The following CERT1 variants were observed in gnomAD, a reference collection of about 807,000 sequenced individuals.
CERT1 encodes the protein ceramide transporter 1, also known as ceramide transfer protein.
Under a neutral mutation model 87.9 loss-of-function variants are expected in CERT1, and 31 were observed. That is an observed-to-expected ratio of 0.35 (90% CI 0.27 to 0.48). The LOEUF is 0.48. Ranked by LOEUF, CERT1 falls within the 20% of genes least tolerant of loss-of-function variation. CERT1 has a pLI of 0.99. For missense variants in CERT1, 487 were observed against 758.0 expected (o/e 0.64, Z 4.20); for synonymous variants, 289 against 250.9 (o/e 1.15, Z -1.44).
chr5:75,503,031 G>C (rs566444387), intron 2 of CERT1, among the ~76,000 whole-genome samples: 1 of 151,990 alleles, frequency 6.6e-6, no homozygotes, highest in Admixed American at 6.5e-5. Flanking sequence ...TTCACATTAA[G>C]GAATAAATTC....
rs756623094 is a variant in CERT1, at chr5:75,426,476, A to G, written c.351T>C (p.Thr117=). 15 of 1,603,818 alleles carry G rather than the reference A, an allele frequency of 9.4e-6. No homozygotes were observed. In the African/African-American group the frequency reaches 1.1e-4, roughly 11 times the overall value. The change falls in exon 4 of 17, where the codon ACT becomes ACC. Residue 117 remains threonine, a splice_region_variant and synonymous_variant. Coordinates refer to ENST00000643780, the MANE Select transcript of CERT1 (RefSeq NM_001379029.1). ...TGGATTCAGATCCATATCCAGATTC[A>G]GTCTAAAAAAAAAAGTAAACTATGT... ...QWIDAIEQHK[T]ESGYGSESSL...
intron 3 of CERT1, among the ~76,000 whole-genome samples, chr5:75,428,061 C>T (rs535791007): frequency 6.6e-6 from 1 of 152,148 alleles, no homozygotes; most frequent in African/African-American, 2.4e-5. Flanking sequence ...GGTCTAATTC[C>T]TGAAAATCTA....
At chr5:75,379,587 T>A in intron 16 of CERT1, 114 bp from the exon 17 acceptor site, 2 of 953,184 alleles carry the variant, frequency 2.1e-6, no homozygotes, top group Non-Finnish European at 3.1e-6. Flanking sequence ...CCAATTAGCA[T>A]CTTTTTTTTT....
In CERT1 at chr5:75,511,281, G is replaced by GT. The variant is rs1767975660; in HGVS notation, c.-75_-74insA. On this transcript the variant is annotated 5_prime_UTR_variant, in exon 1 of 17. Transcript: ENST00000643780. ...GCCGGAGGAGGCGCCCAGTCCTCGG[G>GT]GTGAAGGGTCGGGGGATGGCGAAGC... 3 of 1,581,122 alleles carry GT rather than the reference G, an allele frequency of 1.9e-6. No homozygotes were observed. Among genetic ancestry groups the GT allele is most frequent in the Admixed American group, 1.8e-5 (1 of 54,098 alleles).
intron 2 of CERT1, among the ~76,000 whole-genome samples, chr5:75,503,916 A>AATTAAACATTTAAATTTTTTGTTT (rs1374804245): frequency 6.6e-6 from 1 of 151,668 alleles, no homozygotes; most frequent in African/African-American, 2.4e-5. Flanking sequence ...GTTTAATTTA[A>AATTAAACATTTAAATTTTTTGTTT]AATTTTCTTT....
chr5:75,477,872 A>G (rs1201510952), intron 2 of CERT1, among the ~76,000 whole-genome samples: 1 of 152,164 alleles, frequency 6.6e-6, no homozygotes, highest in African/African-American at 2.4e-5. Context: ...CATAAATGAT[A>G]CATAATACTT....
intron 2 of CERT1, among the ~76,000 whole-genome samples, chr5:75,503,300 G>C (rs974550990): frequency 6.6e-6 from 1 of 151,782 alleles, no homozygotes; most frequent in African/African-American, 2.4e-5. Flanking sequence ...AATTTCATAA[G>C]AGTGCCATAT....
In CERT1 at chr5:75,426,280, T is replaced by C. The variant is rs546463378; in HGVS notation, c.456+91A>G. The C allele has an allele frequency of 6.1e-6, 5 of 813,548 alleles. No individual in the cohort carries two copies. The Admixed American group carries it at 7.1e-5, about 12-fold the overall frequency. 50.4% of individuals were successfully genotyped at this position (813,548 alleles called of 1,614,324 possible). A position where few individuals can be genotyped will look rare whatever the true frequency, so the allele number is the denominator to read the frequency against. ...ATAAATTATACTATAAAAAAGTTTGTTCAAAAAATTATCACATATGTTCTG... is the reference window on the plus strand; with the variant it reads ...ATAAATTATACTATAAAAAAGTTTGCTCAAAAAATTATCACATATGTTCTG... On this transcript the variant is annotated intron_variant, in intron 4 of 16. Transcript: ENST00000643780.
At chr5:75,388,252 T>G (rs189720926) in intron 12 of CERT1, among the ~76,000 whole-genome samples, 4 of 152,256 alleles carry the variant, frequency 2.6e-5, no homozygotes, top group Middle Eastern at 3.4e-3. Context: ...TGTTTTATCT[T>G]ATGTCTTACT....
chr5:75,507,317 C>T (rs1435434790), intron 1 of CERT1, among the ~76,000 whole-genome samples: 1 of 151,990 alleles, frequency 6.6e-6, no homozygotes, highest in Non-Finnish European at 1.5e-5. Flanking sequence ...CGCTATGGTG[C>T]CAAGGCTCGT....
At chr5:75,492,186 A>G (rs962478080) in intron 2 of CERT1, among the ~76,000 whole-genome samples, 6 of 151,880 alleles carry the variant, frequency 4.0e-5, no homozygotes, top group Non-Finnish European at 7.4e-5. Flanking sequence ...TCTACCAAAA[A>G]ACAAACAAAC....
rs923609907 is a variant in CERT1 at position 75,474,218 on chromosome 5, C to T, written c.232-15037G>A. Among the ~76,000 whole-genome samples the T allele has an allele frequency of 3.3e-5, 5 of 152,298 alleles. No individual in the cohort carries two copies. In the East Asian group the frequency reaches 9.7e-4, roughly 29 times the overall value. ...TGCAGCCCCTGTCACGTACCCCCTG[C>T]TTGCTCAAATCAATCACGACCCTTT... is the stretch of plus-strand genomic sequence containing the variant. On this transcript the variant is annotated intron_variant, in intron 2 of 16. Transcript: ENST00000643780.
intron 8 of CERT1, among the ~76,000 whole-genome samples, chr5:75,405,208 G>C (rs2112102232): frequency 1.3e-5 from 2 of 152,186 alleles, no homozygotes; most frequent in Middle Eastern, 3.4e-3. Flanking sequence ...TGCCCCCTTA[G>C]AATAGCATTT....
chr5:75,511,860 GGTCC>G, upstream of CERT1: 15 of 1,533,444 alleles, frequency 9.8e-6, no homozygotes, highest in Non-Finnish European at 1.3e-5. Flanking sequence ...GAAGGGCGTT[GGTCC>G]GTCGCTCGCG....
chr5:75,447,271 T>C (rs1418980947), intron 3 of CERT1, among the ~76,000 whole-genome samples: 4 of 151,984 alleles, frequency 2.6e-5, no homozygotes, highest in African/African-American at 9.7e-5. Context: ...CTAGGGTAAT[T>C]GTTGTCTAGG....
At chr5:75,488,151 G>A (rs1008481925) in intron 2 of CERT1, among the ~76,000 whole-genome samples, 1 of 151,978 alleles carries the variant, frequency 6.6e-6, no homozygotes, top group African/African-American at 2.4e-5. Flanking sequence ...GCATAACACA[G>A]TGACTAGAGT....
chr5:75,498,665 A>C (rs1020599058), intron 2 of CERT1, among the ~76,000 whole-genome samples: 1 of 152,178 alleles, frequency 6.6e-6, no homozygotes, highest in African/African-American at 2.4e-5. Context: ...ATTTCAGAGG[A>C]TGTATGGAAA....
intron 12 of CERT1, among the ~76,000 whole-genome samples, chr5:75,387,268 T>C (rs921975133): frequency 2.6e-5 from 4 of 152,176 alleles, no homozygotes; most frequent in African/African-American, 9.7e-5. Flanking sequence ...GTGCCAAAGG[T>C]GCAGAGCAGG....
intron 2 of CERT1, among the ~76,000 whole-genome samples, chr5:75,497,187 C>T (rs369849046): frequency 5.7e-4 from 86 of 152,180 alleles, no homozygotes; most frequent in African/African-American, 1.8e-3. Context: ...CTACGTATCC[C>T]GGCTCTAGTG....
Sources: allele counts gnomAD v4.1 joint callset (sites outside exome capture counted in the v4.1 genomes callset), GRCh38; gene constraint gnomAD v4.1.1; transcripts MANE v1.5; gene names NCBI Gene and HGNC (gene_info 2026-07-23, HGNC 2026-07-21).